Variants in HS6ST3 observed in about 807,000 individuals in gnomAD.
The protein encoded by HS6ST3 is heparan-sulfate 6-O-sulfotransferase 3.
In HS6ST3, 12 loss-of-function variants were observed where a neutral mutation model predicts 36.7. The observed-to-expected ratio is 0.33, with a 90% CI of 0.21 to 0.53. The LOEUF (loss-of-function observed/expected upper bound fraction) is 0.53. Among genes scored for constraint, HS6ST3 ranks in the 20% least tolerant of loss-of-function variants. The pLI, the probability that HS6ST3 is intolerant of heterozygous loss-of-function variation, is 0.95. For missense variants in HS6ST3, 584 were observed against 640.9 expected, an observed-to-expected ratio of 0.91 and a Z score of 0.96; for synonymous variants, 240 against 257.5, an observed-to-expected ratio of 0.93 and a Z score of 0.65.
rs565837993 is a variant in HS6ST3 at position 96,686,771 on chromosome 13, A to G, written c.708-145719A>G. On this transcript the variant is annotated intron_variant, in intron 1 of 1. Transcript: ENST00000376705. The stretch of plus-strand genomic sequence containing the variant: ...TCTCGCTGTGGGGCTTCATTTCCCT[A>G]TTGTGGAAAGAGACTTAGAAGATAA... 7.2e-5 allele frequency among the ~76,000 whole-genome samples: 11 copies of G among 152,108 alleles called. 1 individual carries two copies. The highest frequency in any genetic ancestry group is 7.2e-4 in the Admixed American group (11 of 15,242).
chr13:96,642,654 T>C (rs905500107), intron 1 of HS6ST3, among the ~76,000 whole-genome samples: 1 of 151,914 alleles, frequency 6.6e-6, no homozygotes, highest in East Asian at 1.9e-4. Context: ...TTCTGCCTGC[T>C]CAAATTTGCT....
intron 1 of HS6ST3, among the ~76,000 whole-genome samples, chr13:96,243,462 A>G (rs1257535146): frequency 3.3e-5 from 5 of 152,178 alleles, no homozygotes; most frequent in African/African-American, 1.2e-4. Flanking sequence ...GACTAATGAA[A>G]CTTTTTGTTA....
chr13:96,468,681 C>A (rs2055826296), intron 1 of HS6ST3, among the ~76,000 whole-genome samples: 2 of 152,148 alleles, frequency 1.3e-5, no homozygotes, highest in African/African-American at 4.8e-5. Flanking sequence ...TCATAAACAA[C>A]AAGAGAAATC....
intron 1 of HS6ST3, among the ~76,000 whole-genome samples, chr13:96,146,790 C>T (rs1287480225): frequency 6.6e-6 from 1 of 152,116 alleles, no homozygotes; most frequent in Non-Finnish European, 1.5e-5. Context: ...TTTATGATTT[C>T]TTTAAAGTTA....
chr13:96,397,046 A>G (rs899331452), intron 1 of HS6ST3, among the ~76,000 whole-genome samples: 8 of 152,104 alleles, frequency 5.3e-5, no homozygotes, highest in African/African-American at 1.9e-4. Flanking sequence ...TCTACTAAAA[A>G]TACAAAAATT....
chr13:96,547,973 A>T (rs2056203952), intron 1 of HS6ST3, among the ~76,000 whole-genome samples: 1 of 152,064 alleles, frequency 6.6e-6, no homozygotes, highest in South Asian at 2.1e-4. Context: ...GTGCAGCTTT[A>T]TTTAGGAGAA....
At chr13:96,800,323 G>T (rs746633772) in intron 1 of HS6ST3, among the ~76,000 whole-genome samples, 39 of 150,076 alleles carry the variant, frequency 2.6e-4, no homozygotes, top group Non-Finnish European at 3.1e-4. Context: ...ACATTGTGCT[G>T]CCACCAAGTA....
At chr13:96,185,799 C>T (rs1158417193) in intron 1 of HS6ST3, among the ~76,000 whole-genome samples, 2 of 152,072 alleles carry the variant, frequency 1.3e-5, no homozygotes, top group African/African-American at 4.8e-5. Flanking sequence ...CTTCAACGTT[C>T]GGAATTTCAC....
intron 1 of HS6ST3, among the ~76,000 whole-genome samples, chr13:96,469,355 A>T (rs1275975322): frequency 6.6e-6 from 1 of 151,848 alleles, no homozygotes; most frequent in Admixed American, 6.6e-5. Context: ...ATGGCTGCAC[A>T]TGCTATTTTT....
chr13:96,674,675 C>G (rs1325276268), intron 1 of HS6ST3, among the ~76,000 whole-genome samples: 1 of 152,144 alleles, frequency 6.6e-6, no homozygotes, highest in Non-Finnish European at 1.5e-5. Flanking sequence ...AAGTAAATAT[C>G]CCTTATTCAG....
intron 1 of HS6ST3, among the ~76,000 whole-genome samples, chr13:96,695,639 G>T (rs1218310187): frequency 9.1e-6 from 1 of 110,018 alleles, no homozygotes; most frequent in Non-Finnish European, 1.9e-5. Flanking sequence ...GTCTCACTAT[G>T]ATCCCCAGGC....
chr13:96,546,144 T>A (rs903801504), intron 1 of HS6ST3, among the ~76,000 whole-genome samples: 2 of 152,224 alleles, frequency 1.3e-5, no homozygotes, highest in East Asian at 3.9e-4. Context: ...ATTAATATCC[T>A]TGTAGTATAG....
intron 1 of HS6ST3, among the ~76,000 whole-genome samples, chr13:96,803,301 C>T (rs1185476802): frequency 6.6e-6 from 1 of 152,180 alleles, no homozygotes; most frequent in African/African-American, 2.4e-5. Flanking sequence ...CACTTCTCAT[C>T]TTTGCAGAGT....
chr13:96,370,710 G>A (rs1167507600), intron 1 of HS6ST3, among the ~76,000 whole-genome samples: 2 of 152,106 alleles, frequency 1.3e-5, no homozygotes, highest in Non-Finnish European at 2.9e-5. Flanking sequence ...TCAGGAGTTC[G>A]AGACCAGCCT....
intron 1 of HS6ST3, among the ~76,000 whole-genome samples, chr13:96,271,978 A>G (rs1045973888): frequency 6.6e-6 from 1 of 152,012 alleles, no homozygotes; most frequent in Non-Finnish European, 1.5e-5. Flanking sequence ...CATTAGCACC[A>G]GCACTTAGAA....
chr13:96,839,426 A>G lies in HS6ST3; in HGVS notation c.*6228A>G, dbSNP rs1040329268. 3 of 152,200 alleles carry G rather than the reference A, an allele frequency of 2.0e-5. No individual in the cohort carries two copies. Among genetic ancestry groups the G allele is most frequent in the African/African-American group, 4.8e-5 (2 of 41,438 alleles). The allele number at this position is 152,200 out of a possible 1,614,324, so 9.4% of individuals were successfully genotyped here. On this transcript the variant is annotated 3_prime_UTR_variant, in exon 2 of 2. Transcript: ENST00000376705. ...AATAATATGTATGAACTCAGTTACT[A>G]GGGGACTGTATTGTGACATTATCAA...
At chr13:96,721,686 G>A (rs1407055386) in intron 1 of HS6ST3, among the ~76,000 whole-genome samples, 1 of 152,010 alleles carries the variant, frequency 6.6e-6, no homozygotes, top group African/African-American at 2.4e-5. Flanking sequence ...AACACATAGG[G>A]CCAGATATGT....
At chr13:96,521,700 C>A (rs2056094211) in intron 1 of HS6ST3, among the ~76,000 whole-genome samples, 1 of 151,842 alleles carries the variant, frequency 6.6e-6, no homozygotes, top group African/African-American at 2.4e-5. Context: ...TGGTGATATC[C>A]CCTTTATCAT....
intron 1 of HS6ST3, among the ~76,000 whole-genome samples, chr13:96,189,892 C>G (rs968246052): frequency 6.6e-6 from 1 of 152,134 alleles, no homozygotes; most frequent in Admixed American, 6.5e-5. Flanking sequence ...ACGGCCAATT[C>G]CACAGGGTGG....
Sources: gnomAD v4.1 joint callset for allele counts (sites outside exome capture counted in the v4.1 genomes callset) on GRCh38, gnomAD v4.1.1 for gene constraint, MANE v1.5 for transcripts, NCBI Gene and HGNC (gene_info 2026-07-23, HGNC 2026-07-21) for gene names.